Variants in ANKIB1 observed in about 807,000 individuals in gnomAD.
ANKIB1 encodes the protein ankyrin repeat and IBR domain containing 1, also known as ankyrin repeat and IBR domain-containing protein 1.
ANKIB1 carries 43 observed loss-of-function variants against 122.1 expected under a neutral mutation model. That is an observed-to-expected ratio of 0.35 (90% CI 0.28 to 0.45). The LOEUF (loss-of-function observed/expected upper bound fraction) is 0.45, where lower values mean the gene tolerates loss of function less well. Among genes scored for constraint, ANKIB1 ranks in the 20% least tolerant of loss-of-function variants. The pLI is 1.00. For synonymous variants in ANKIB1, 390 were observed against 442.0 expected (o/e 0.88, Z 1.48); for missense variants, 992 against 1,329.5 (o/e 0.75, Z 3.95).
intron 1 of ANKIB1, among the ~76,000 whole-genome samples, chr7:92,270,280 C>G (rs1409467590): frequency 6.6e-6 from 1 of 152,080 alleles, no homozygotes; most frequent in African/African-American, 2.4e-5. Context: ...CTAGGCTGGT[C>G]TCTAACTCCT....
At chr7:92,383,895 A>G (rs1804575918) in intron 11 of ANKIB1, among the ~76,000 whole-genome samples, 4 of 152,312 alleles carry the variant, frequency 2.6e-5, no homozygotes, top group Non-Finnish European at 2.9e-5. Flanking sequence ...GGCCAGGGCA[A>G]TCAGGCAAGA....
At chr7:92,283,708 G>A (rs576860925) in intron 1 of ANKIB1, among the ~76,000 whole-genome samples, 20 of 152,158 alleles carry the variant, frequency 1.3e-4, no homozygotes, top group Non-Finnish European at 2.1e-4. Flanking sequence ...ACATCATTGT[G>A]CAGTTATTTT....
At chr7:92,356,442 C>T (rs1262446085) in intron 9 of ANKIB1, among the ~76,000 whole-genome samples, 3 of 152,194 alleles carry the variant, frequency 2.0e-5, no homozygotes, top group Non-Finnish European at 2.9e-5. Context: ...GAAATAAAAA[C>T]ATGATACTAC....
chr7:92,317,138 T>C (rs1802810865), intron 3 of ANKIB1, among the ~76,000 whole-genome samples: 1 of 152,324 alleles, frequency 6.6e-6, no homozygotes, highest in East Asian at 1.9e-4. Flanking sequence ...GCTATGGATA[T>C]GATAAGTCTC....
intron 1 of ANKIB1, among the ~76,000 whole-genome samples, chr7:92,286,154 A>G (rs1375777318): frequency 1.3e-5 from 2 of 152,138 alleles, no homozygotes; most frequent in African/African-American, 4.8e-5. Context: ...AGATATTTTA[A>G]TGTTGGACCT....
At chr7:92,258,079 G>A (rs1192066840) in intron 1 of ANKIB1, among the ~76,000 whole-genome samples, 2 of 152,122 alleles carry the variant, frequency 1.3e-5, no homozygotes, top group Non-Finnish European at 1.5e-5. Flanking sequence ...ATTCCGATTT[G>A]AAAAACATTA....
At chr7:92,387,749 A>C in intron 12 of ANKIB1, 49 bp from the exon 13 acceptor site, 6 of 1,365,580 alleles carry the variant, frequency 4.4e-6, no homozygotes, top group African/African-American at 1.5e-5. Context: ...AAACTATTTT[A>C]GTAGCTACTA....
intron 9 of ANKIB1, among the ~76,000 whole-genome samples, chr7:92,354,261 G>A (rs1803734099): frequency 1.3e-5 from 2 of 152,142 alleles, no homozygotes; most frequent in South Asian, 4.1e-4. Flanking sequence ...AACATTTGGA[G>A]AAATACATCA....
chr7:92,390,133 T>A lies in ANKIB1; in HGVS notation c.2052+17T>A, dbSNP rs758920937. ...CTAATGCAAGTAAGATTTTTTTAATTACATTTAAATGGCAGCAGTTATTAT... is the reference window on the plus strand; with the variant it reads ...CTAATGCAAGTAAGATTTTTTTAATAACATTTAAATGGCAGCAGTTATTAT... On this transcript the variant is annotated intron_variant, in intron 15 of 19. Coordinates refer to ENST00000265742, the MANE Select transcript of ANKIB1 (RefSeq NM_019004.2). 13 of 1,529,840 alleles carry A rather than the reference T, an allele frequency of 8.5e-6. No individual in the cohort carries two copies. The highest frequency in any genetic ancestry group is 5.3e-6 in the Non-Finnish European group (6 of 1,138,868). 94.8% of individuals were successfully genotyped at this position (1,529,840 alleles called of 1,614,324 possible).
chr7:92,313,694 T>C (rs1802737086), intron 3 of ANKIB1, among the ~76,000 whole-genome samples: 1 of 152,146 alleles, frequency 6.6e-6, no homozygotes, highest in Admixed American at 6.6e-5. Context: ...AAAATGTGGC[T>C]CTCAGACCTG....
Position 92,371,465 on chromosome 7 carries a change from A to C in ANKIB1, c.1487-12A>C. The C allele has an allele frequency of 6.3e-7, 1 of 1,598,372 alleles. No individual in the cohort carries two copies. Among genetic ancestry groups the C allele is most frequent in the Non-Finnish European group, 8.5e-7 (1 of 1,171,486 alleles). ...ATCATTTATTTTTGTGATTGTGTTT[A>C]ATATCCCAAAGTTGTGGGAGTTAGT... On this transcript the variant is annotated splice_polypyrimidine_tract_variant and intron_variant, in intron 10 of 19. Coordinates refer to ENST00000265742, the MANE Select transcript of ANKIB1 (RefSeq NM_019004.2).
At chr7:92,277,595 A>G (rs1398964857) in intron 1 of ANKIB1, among the ~76,000 whole-genome samples, 2 of 152,128 alleles carry the variant, frequency 1.3e-5, no homozygotes, top group African/African-American at 2.4e-5. Flanking sequence ...TTGCATGTCC[A>G]TGTTACGAGT....
chr7:92,324,030 A>G (rs754403396), intron 4 of ANKIB1, among the ~76,000 whole-genome samples: 5 of 152,220 alleles, frequency 3.3e-5, no homozygotes, highest in Non-Finnish European at 5.9e-5. Flanking sequence ...CTGAATAAGG[A>G]GCGAGAAAAC....
At chr7:92,272,987 G>A (rs1001399072) in intron 1 of ANKIB1, among the ~76,000 whole-genome samples, 1 of 152,112 alleles carries the variant, frequency 6.6e-6, no homozygotes, top group African/African-American at 2.4e-5. Flanking sequence ...TCAAAACATA[G>A]AAAAATTATA....
chr7:92,366,388 G>A (rs1804084075), intron 10 of ANKIB1, among the ~76,000 whole-genome samples: 1 of 151,996 alleles, frequency 6.6e-6, no homozygotes, highest in African/African-American at 2.4e-5. Context: ...AAATGGCTTT[G>A]TATATCACTT....
At chr7:92,368,349 G>T (rs140446649) in intron 10 of ANKIB1, among the ~76,000 whole-genome samples, 3 of 151,264 alleles carry the variant, frequency 2.0e-5, no homozygotes, top group African/African-American at 7.3e-5. Flanking sequence ...GAAGAGAAGA[G>T]TTTGAAAGTC....
chr7:92,351,248 G>A (rs1161162790), intron 8 of ANKIB1, among the ~76,000 whole-genome samples, 154 bp downstream of exon 8: 1 of 152,162 alleles, frequency 6.6e-6, no homozygotes, highest in Admixed American at 6.5e-5. Flanking sequence ...TAAAGGAATG[G>A]TGATAAAGTT....
At chr7:92,273,982 G>T (rs568596942) in intron 1 of ANKIB1, among the ~76,000 whole-genome samples, 1 of 151,504 alleles carries the variant, frequency 6.6e-6, no homozygotes, top group South Asian at 2.1e-4. Context: ...TATGTTGTCC[G>T]GGCTGGTCTT....
rs1804698286 is a variant in ANKIB1 at position 92,388,056 on chromosome 7, G to C, written c.1906+15G>C. 1 of 1,549,726 alleles carries C rather than the reference G, an allele frequency of 6.5e-7. No individual in the cohort carries two copies. Among genetic ancestry groups the C allele is most frequent in the Non-Finnish European group, 8.7e-7 (1 of 1,143,726 alleles). On this transcript the variant is annotated intron_variant, in intron 14 of 19. Transcript: ENST00000265742. ...TCTCAAAGAAAGTAAGTTATAAGTT[G>C]TATGTGTGATAATTAATATAAAATA...
Sources: gnomAD v4.1 joint callset for allele counts (sites outside exome capture counted in the v4.1 genomes callset) on GRCh38, gnomAD v4.1.1 for gene constraint, MANE v1.5 for transcripts, NCBI Gene and HGNC (gene_info 2026-07-23, HGNC 2026-07-21) for gene names.